The following UBE3C variants were observed in gnomAD, a reference collection of about 807,000 sequenced individuals.
UBE3C encodes the protein ubiquitin-protein ligase E3C.
A neutral mutation model predicts 129.4 loss-of-function variants in UBE3C; 42 were observed. That is an observed-to-expected ratio of 0.32 (90% CI 0.25 to 0.42). The LOEUF is 0.42. Ranked by LOEUF, UBE3C falls within the 10% of genes least tolerant of loss-of-function variation. UBE3C has a pLI of 1.00. For missense variants in UBE3C, 1,049 were observed against 1,319.1 expected (o/e 0.80, Z 3.17); for synonymous variants, 510 against 492.4 (o/e 1.04, Z -0.47).
At chr7:157,219,448 G>A (rs1476969496) in intron 14 of UBE3C, among the ~76,000 whole-genome samples, 1 of 152,074 alleles carries the variant, frequency 6.6e-6, no homozygotes, top group Admixed American at 6.5e-5. Flanking sequence ...AAACGTTCTC[G>A]CCAGAAAGTT....
chr7:157,185,861 CAG>C (rs1331228723), intron 9 of UBE3C, among the ~76,000 whole-genome samples: 1 of 152,058 alleles, frequency 6.6e-6, no homozygotes, highest in Non-Finnish European at 1.5e-5. Flanking sequence ...ATCTATAAAA[CAG>C]TGTTTTGTTT....
At chr7:157,181,737 C>T (rs1001712883) in intron 7 of UBE3C, 66 bp downstream of exon 7, 20 of 1,551,406 alleles carry the variant, frequency 1.3e-5, no homozygotes, top group South Asian at 9.8e-5. Flanking sequence ...GTAACTTTTA[C>T]ATAGGATGTG....
intron 18 of UBE3C, among the ~76,000 whole-genome samples, chr7:157,246,169 G>A (rs1370837115): frequency 1.3e-5 from 2 of 152,172 alleles, no homozygotes; most frequent in Non-Finnish European, 2.9e-5. Context: ...GGGTGTCTGA[G>A]CATGCCCTGT....
chr7:157,227,587 C>T (rs2116629026), intron 17 of UBE3C, among the ~76,000 whole-genome samples: 1 of 152,074 alleles, frequency 6.6e-6, no homozygotes, highest in African/African-American at 2.4e-5. Context: ...GTAGTCCCAC[C>T]TACTCAGGAG....
At position 157,248,533 on chromosome 7, in the gene UBE3C, C is replaced by T. The variant is rs757113137; in HGVS notation, c.2647C>T (p.Leu883Phe). Residue 883 changes from leucine to phenylalanine, a missense_variant, in exon 19 of 23, where the codon CTT becomes TTT. This residue lies in a region of UBE3C where 243 missense variants were observed against 368.7 expected (regional missense o/e 0.66). Coordinates refer to ENST00000348165, the MANE Select transcript of UBE3C (RefSeq NM_014671.3). ...GAGCTACGAAGACGATGTGGAGGAG[C>T]TTGGGCTGAACTTCACTGTGGTGAA... ...LKSYEDDVEE[L>F]GLNFTVVNND... is the part of the protein sequence containing the mutation. The T allele has an allele frequency of 6.2e-7, 1 of 1,612,824 alleles. No individual in the cohort carries two copies. Among genetic ancestry groups the T allele is most frequent in the South Asian group, 1.1e-5 (1 of 91,018 alleles).
intron 18 of UBE3C, among the ~76,000 whole-genome samples, chr7:157,244,234 GA>G (rs1002069540): frequency 2.0e-5 from 3 of 151,582 alleles, no homozygotes; most frequent in Non-Finnish European, 4.4e-5. Context: ...ACTCCGTCTC[GA>G]AAAAAAAGAA....
In UBE3C at chr7:157,162,966, C is replaced by T. The variant is rs181425772; in HGVS notation, c.67-844C>T. On this transcript the variant is annotated intron_variant, in intron 1 of 22. Coordinates refer to ENST00000348165, the MANE Select transcript of UBE3C (RefSeq NM_014671.3). The stretch of plus-strand genomic sequence containing the variant: ...CCTTTTATTCTTTCACTTCCTTCTA[C>T]AAACCAAGTCATTTTGTTCAAAACT... Among the ~76,000 whole-genome samples, 6 of 151,008 alleles carry T rather than the reference C, an allele frequency of 4.0e-5. No homozygotes were observed. The South Asian group carries it at 6.3e-4, about 16-fold the overall frequency.
At chr7:157,207,048 C>T (rs893048692) in intron 11 of UBE3C, among the ~76,000 whole-genome samples, 1 of 152,164 alleles carries the variant, frequency 6.6e-6, no homozygotes, top group African/African-American at 2.4e-5. Context: ...ATGGTTTCCT[C>T]ATAAGAGTAA....
intron 18 of UBE3C, among the ~76,000 whole-genome samples, chr7:157,243,908 C>A (rs1014711164): frequency 6.6e-6 from 1 of 152,054 alleles, no homozygotes; most frequent in Non-Finnish European, 1.5e-5. Flanking sequence ...GAATGGGCAC[C>A]ATATGTTGTA....
chr7:157,257,881 T>C (rs1796795350), intron 22 of UBE3C, among the ~76,000 whole-genome samples: 1 of 151,400 alleles, frequency 6.6e-6, no homozygotes, highest in African/African-American at 2.4e-5. Flanking sequence ...TATAATTAGA[T>C]AAGTACTGTA....
At chr7:157,217,693 C>T (rs753459136) in intron 14 of UBE3C, among the ~76,000 whole-genome samples, 13 of 152,016 alleles carry the variant, frequency 8.6e-5, no homozygotes, top group Non-Finnish European at 1.2e-4. Flanking sequence ...AAAAATCAGC[C>T]GGGCGTGGTG....
chr7:157,204,362 C>T (rs1202146664), intron 11 of UBE3C, among the ~76,000 whole-genome samples: 1 of 141,708 alleles, frequency 7.1e-6, no homozygotes, highest in African/African-American at 2.6e-5. Flanking sequence ...TGCGCCATTG[C>T]ACTCCAGCCT....
chr7:157,181,059 A>G (rs141166448), intron 6 of UBE3C, among the ~76,000 whole-genome samples: 500 of 152,336 alleles, frequency 3.3e-3, no homozygotes, highest in Non-Finnish European at 3.6e-3. Flanking sequence ...TGCACAAATC[A>G]GAGACAAATT....
rs1796012254 is a variant in UBE3C at position 157,231,099 on chromosome 7, G to A, written c.2253G>A (p.Arg751=). ...TAACAGAGCCTGATTTGAAAAAGCG[G>A]ATCCGTGTGCACTTGCTCAATGCCC... ...SPENEPDLKK[R]IRVHLLNAHG... is the part of the protein sequence containing the mutation. Residue 751 remains arginine (R), a synonymous_variant, in exon 18 of 23, where the codon CGG becomes CGA. Coordinates refer to ENST00000348165, the MANE Select transcript of UBE3C (RefSeq NM_014671.3). 5 of 1,613,522 alleles carry A rather than the reference G, an allele frequency of 3.1e-6. No individual in the cohort carries two copies. The highest frequency in any genetic ancestry group is 1.3e-5 in the African/African-American group (1 of 74,942).
intron 16 of UBE3C, among the ~76,000 whole-genome samples, chr7:157,224,652 C>T (rs768583822): frequency 4.0e-5 from 6 of 151,812 alleles, no homozygotes; most frequent in Non-Finnish European, 7.4e-5. Flanking sequence ...TACTTGGTTC[C>T]GTTCTTCAGT....
rs1808412282 is a variant in UBE3C at position 157,172,760 on chromosome 7, A to G, written c.343-2159A>G. On this transcript the variant is annotated intron_variant, in intron 4 of 22. Transcript: ENST00000348165. Reference sequence around the variant, plus strand: ...CAGATAATCGGGCTTGCTTTCTGGAACAGGATGTCCTGGCCTCACATACTC... The same window carrying G: ...CAGATAATCGGGCTTGCTTTCTGGAGCAGGATGTCCTGGCCTCACATACTC... 2.0e-5 allele frequency among the ~76,000 whole-genome samples: 3 copies of G among 152,218 alleles called. No individual in the cohort carries two copies. In the South Asian group the frequency reaches 6.2e-4, roughly 32 times the overall value.
At chr7:157,160,524 G>T (rs1808041767) in intron 1 of UBE3C, among the ~76,000 whole-genome samples, 1 of 152,046 alleles carries the variant, frequency 6.6e-6, no homozygotes, top group South Asian at 2.1e-4. Context: ...AGTCTTTTTG[G>T]CAAGACTAAC....
chr7:157,260,140 A>G (rs1329816452), intron 22 of UBE3C, among the ~76,000 whole-genome samples: 1 of 150,992 alleles, frequency 6.6e-6, no homozygotes, highest in African/African-American at 2.4e-5. Flanking sequence ...ATGCAAATAA[A>G]ACAGGACAAA....
At chr7:157,139,423 C>CTGGGACTCGGGGT in intron 1 of UBE3C, 85 bp downstream of exon 1, 8 of 1,331,120 alleles carry the variant, frequency 6.0e-6, no homozygotes, top group Non-Finnish European at 7.8e-6. Flanking sequence ...GGACTCGGGG[C>CTGGGACTCGGGGT]TGGACTCGGG....
Sources: allele counts gnomAD v4.1 joint callset (sites outside exome capture counted in the v4.1 genomes callset), GRCh38; gene constraint gnomAD v4.1.1; regional missense constraint gnomAD v4.1.1; transcripts MANE v1.5; gene names NCBI Gene and HGNC (gene_info 2026-07-23, HGNC 2026-07-21).